Variants in HNRNPUL2 observed in about 807,000 individuals in gnomAD.
HNRNPUL2 encodes the protein heterogeneous nuclear ribonucleoprotein U like 2.
HNRNPUL2 carries 27 observed loss-of-function variants against 102.2 expected under a neutral mutation model. The ratio of observed to expected loss-of-function variants is 0.26; its 90% CI spans 0.19 to 0.36. HNRNPUL2 has a LOEUF of 0.36. Among genes scored for constraint, HNRNPUL2 ranks in the 10% least tolerant of loss-of-function variants. The probability of loss-of-function intolerance (pLI) is 1.00; values close to 1 mark genes in which losing one functional copy is unlikely to be tolerated. For missense variants in HNRNPUL2, 936 were observed against 981.1 expected, an observed-to-expected ratio of 0.95 and a Z score of 0.61; for synonymous variants, 458 against 387.2, an observed-to-expected ratio of 1.18 and a Z score of -2.15.
intron 10 of HNRNPUL2, 106 bp downstream of exon 10, chr11:62,719,917 T>C: frequency 6.5e-6 from 7 of 1,078,130 alleles, no homozygotes; most frequent in South Asian, 2.9e-5. Context: ...GCTATGCTCT[T>C]GGACTTCCTA....
chr11:62,717,195 A>G lies in HNRNPUL2; in HGVS notation c.1781-6T>C. The G allele has an allele frequency of 6.2e-7, 1 of 1,611,014 alleles. No homozygotes were observed. The highest frequency in any genetic ancestry group is 8.5e-7 in the Non-Finnish European group (1 of 1,178,022). ...TTCAGGCAAAGAGAAGTTGGCTATA[A>G]GAGTAAGAGAGAAGCTTGTGGGCCT... On this transcript the variant is annotated splice_region_variant and splice_polypyrimidine_tract_variant and intron_variant, in intron 10 of 13. Transcript: ENST00000301785.
At position 62,714,523 on chromosome 11, in the gene HNRNPUL2, T is replaced by C. The variant is rs1033305342; in HGVS notation, c.*776A>G. The C allele has an allele frequency of 6.6e-6, 1 of 152,092 alleles. No individual in the cohort carries two copies. Among genetic ancestry groups the C allele is most frequent in the Non-Finnish European group, 1.5e-5 (1 of 68,018 alleles). 9.4% of individuals were successfully genotyped at this position (152,092 alleles called of 1,614,324 possible). On this transcript the variant is annotated 3_prime_UTR_variant, in exon 14 of 14. Coordinates refer to ENST00000301785, the MANE Select transcript of HNRNPUL2 (RefSeq NM_001079559.3). ...CCAAGATTTTACAGGAATTAATCAA[T>C]GGGTCTATAGAAGGGGCAGGCTATT...
At chr11:62,724,157 T>C in intron 2 of HNRNPUL2, 134 bp downstream of exon 2, 2 of 1,260,826 alleles carry the variant, frequency 1.6e-6, no homozygotes, top group Non-Finnish European at 1.1e-6. Context: ...CCATGGTAGA[T>C]GCAATCTAAA....
Position 62,727,263 on chromosome 11 carries a change from C to G in HNRNPUL2, c.-107G>C. 1 of 1,226,624 alleles carries G rather than the reference C, an allele frequency of 8.2e-7. No homozygotes were observed. Among genetic ancestry groups the G allele is most frequent in the Non-Finnish European group, 1.0e-6 (1 of 983,048 alleles). The allele number at this position is 1,226,624 out of a possible 1,614,324, so 76.0% of individuals were successfully genotyped here. ...CGCCGCCCGCCTCCGCCTCACGCGC[C>G]AGCACTGAGCCCGCGCGAGCGAGCG... is the stretch of plus-strand genomic sequence containing the variant. On this transcript the variant is annotated 5_prime_UTR_variant, in exon 1 of 14. Coordinates refer to ENST00000301785, the MANE Select transcript of HNRNPUL2 (RefSeq NM_001079559.3).
intron 6 of HNRNPUL2, 73 bp from the exon 7 acceptor site, chr11:62,722,453 T>C (rs970621739): frequency 6.5e-7 from 1 of 1,540,610 alleles, no homozygotes; most frequent in Non-Finnish European, 8.9e-7. Flanking sequence ...CAATTTATTC[T>C]TTTTTCACAC....
chr11:62,727,122 C>A lies in HNRNPUL2; in HGVS notation c.35G>T (p.Arg12Leu). The change falls in exon 1 of 14, where the codon CGG becomes CTG. Residue 12 changes from arginine to leucine, a missense_variant. Around this residue, in one of 2 missense-constraint regions of HNRNPUL2, gnomAD observed 327 missense variants for 268.1 expected, o/e 1.22. Coordinates refer to ENST00000301785, the MANE Select transcript of HNRNPUL2 (RefSeq NM_001079559.3). Reference protein sequence around the residue: ...EVKRLKVTELRSELQRRGLDS... With the variant: ...EVKRLKVTELLSELQRRGLDS... ...CAGGCCCCGCCGCTGCAGCTCCGAC[C>A]GCAGCTCGGTCACTTTCAGCCGCTT... 6.9e-7 allele frequency: 1 copy of A among 1,450,566 alleles called. No individual in the cohort carries two copies. Among genetic ancestry groups the A allele is most frequent in the Non-Finnish European group, 9.1e-7 (1 of 1,104,692 alleles). 89.9% of individuals were successfully genotyped at this position (1,450,566 alleles called of 1,614,324 possible).
intron 10 of HNRNPUL2, 92 bp from the exon 11 acceptor site, chr11:62,717,281 C>T: frequency 1.1e-6 from 1 of 919,014 alleles, no homozygotes; most frequent in Non-Finnish European, 1.7e-6. Flanking sequence ...ATATGACTTT[C>T]TATGCCTCAT....
In HNRNPUL2 at chr11:62,713,091, A is replaced by G. The variant is rs2083631739; in HGVS notation, c.*2208T>C. ...TCACTTTCCACCCACCTAGAAAAACAGTTTTGTAAAAAAGATTACTTTCTA... is the reference window on the plus strand; with the variant it reads ...TCACTTTCCACCCACCTAGAAAAACGGTTTTGTAAAAAAGATTACTTTCTA... On this transcript the variant is annotated 3_prime_UTR_variant, in exon 14 of 14. Coordinates refer to ENST00000301785, the MANE Select transcript of HNRNPUL2 (RefSeq NM_001079559.3). 2.6e-5 allele frequency: 4 copies of G among 152,340 alleles called. No individual in the cohort carries two copies. In the South Asian group the frequency reaches 8.3e-4, roughly 32 times the overall value. The allele number at this position is 152,340 out of a possible 1,614,324, so 9.4% of individuals were successfully genotyped here.
chr11:62,726,042 C>G (rs1211019137), intron 1 of HNRNPUL2, among the ~76,000 whole-genome samples: 1 of 152,094 alleles, frequency 6.6e-6, no homozygotes, highest in African/African-American at 2.4e-5. Flanking sequence ...TAAGATTTTT[C>G]TCTTCACTGG....
Position 62,714,863 on chromosome 11 carries a change from C to T in HNRNPUL2, c.*436G>A, listed in dbSNP as rs929994977. The T allele has an allele frequency of 1.2e-4, 20 of 168,042 alleles. No homozygotes were observed. Among genetic ancestry groups the T allele is most frequent in the East Asian group, 3.6e-4 (2 of 5,564 alleles). 10.4% of individuals were successfully genotyped at this position (168,042 alleles called of 1,614,324 possible). ...CTACCTGCTGTGGAGAGCACCCTCG[C>T]GCTGCCTCCCCACCCTCCCCACACC... On this transcript the variant is annotated 3_prime_UTR_variant, in exon 14 of 14. Transcript: ENST00000301785.
chr11:62,721,753 C>A, intron 8 of HNRNPUL2, 67 bp downstream of exon 8: 2 of 1,527,612 alleles, frequency 1.3e-6, no homozygotes, highest in Admixed American at 1.8e-5. Flanking sequence ...GAGACTAATT[C>A]TCCATTAAAG....
At position 62,722,720 on chromosome 11, in the gene HNRNPUL2, C is replaced by T. The variant is rs564929814; in HGVS notation, c.983-7G>A. 9.2e-5 allele frequency: 148 copies of T among 1,611,938 alleles called. 4 individuals are homozygous for T. In the South Asian group the frequency reaches 1.5e-3, roughly 17 times the overall value. ...TAAGAGAATTCATCTTCACCTAGAA[C>T]AGTCAACAAATTAGTTACCTACAAC... On this transcript the variant is annotated splice_region_variant and splice_polypyrimidine_tract_variant and intron_variant, in intron 5 of 13. Transcript: ENST00000301785.
At chr11:62,721,445 G>GGAA (rs1554988247) in intron 8 of HNRNPUL2, 22 bp from the exon 9 acceptor site, 117 of 1,063,862 alleles carry the variant, frequency 1.1e-4, no homozygotes, top group Middle Eastern at 4.5e-4. Flanking sequence ...GAGAGGAAGT[G>GGAA]AAAAAAAAAA....
At position 62,727,271 on chromosome 11, in the gene HNRNPUL2, A is replaced by C; in HGVS notation, c.-115T>G. 5.1e-6 allele frequency: 6 copies of C among 1,178,788 alleles called. No individual in the cohort carries two copies. Among genetic ancestry groups the C allele is most frequent in the Non-Finnish European group, 6.4e-6 (6 of 944,214 alleles). 73.0% of individuals were successfully genotyped at this position (1,178,788 alleles called of 1,614,324 possible). The stretch of plus-strand genomic sequence containing the variant: ...GCCTCCGCCTCACGCGCCAGCACTG[A>C]GCCCGCGCGAGCGAGCGCACGCACG... On this transcript the variant is annotated 5_prime_UTR_variant, in exon 1 of 14. Coordinates refer to ENST00000301785, the MANE Select transcript of HNRNPUL2 (RefSeq NM_001079559.3).
intron 6 of HNRNPUL2, 95 bp from the exon 7 acceptor site, chr11:62,722,475 C>T (rs375539968): frequency 2.7e-6 from 4 of 1,496,680 alleles, no homozygotes; most frequent in Non-Finnish European, 3.7e-6. Context: ...GACTGCTGCA[C>T]AAAGTAACTA....
Position 62,721,415 on chromosome 11 carries a change from A to T in HNRNPUL2, c.1491T>A (p.Gly497=). ...ETVLNQMRMK[G]LEEPEMDPKS... ...TGGGGTCCATCTCTGGCTCCTCGAGACCCTTCATCTGATTAGTTTGAGAGG... is the reference window on the plus strand; with the variant it reads ...TGGGGTCCATCTCTGGCTCCTCGAGTCCCTTCATCTGATTAGTTTGAGAGG... Residue 497 remains glycine, a synonymous_variant, in exon 9 of 14, where the codon GGT becomes GGA. Transcript: ENST00000301785. The T allele has an allele frequency of 6.4e-7, 1 of 1,572,468 alleles. No homozygotes were observed. Among genetic ancestry groups the T allele is most frequent in the Middle Eastern group, 1.7e-4 (1 of 5,926 alleles).
chr11:62,718,899 C>T (rs1030964696), intron 10 of HNRNPUL2, among the ~76,000 whole-genome samples: 1 of 151,682 alleles, frequency 6.6e-6, no homozygotes, highest in Non-Finnish European at 1.5e-5. Context: ...AATCCCAGCT[C>T]ACCGCAAACT....
In HNRNPUL2 at chr11:62,720,090, C is replaced by T; in HGVS notation, c.1713G>A (p.Lys571=). 6.2e-7 allele frequency: 1 copy of T among 1,614,234 alleles called. No homozygotes were observed. Among genetic ancestry groups the T allele is most frequent in the Non-Finnish European group, 8.5e-7 (1 of 1,180,030 alleles). The change falls in exon 10 of 14, where the codon AAG becomes AAA. Residue 571 remains lysine, a synonymous_variant. Transcript: ENST00000301785. ...VVVPNEEDWK[K]RLELRKEVEG... ...CTACTTCCTTCCTCAACTCCAGCCT[C>T]TTCTTCCAATCTTCCTCATTAGGGA... is the stretch of plus-strand genomic sequence containing the variant.
intron 8 of HNRNPUL2, 29 bp from the exon 9 acceptor site, chr11:62,721,452 A>C (rs750940809): frequency 2.1e-5 from 32 of 1,553,714 alleles, no homozygotes; most frequent in African/African-American, 2.0e-4. Flanking sequence ...AGTGAAAAAA[A>C]AAAACAAAAC....
Sources: allele counts gnomAD v4.1 joint callset (sites outside exome capture counted in the v4.1 genomes callset), GRCh38; gene constraint gnomAD v4.1.1; regional missense constraint gnomAD v4.1.1; transcripts MANE v1.5; gene names NCBI Gene and HGNC (gene_info 2026-07-23, HGNC 2026-07-21).